The following THSD4 variants were observed in gnomAD, a reference collection of about 807,000 sequenced individuals.
THSD4 encodes the protein thrombospondin type-1 domain-containing protein 4.
A neutral mutation model predicts 119.0 loss-of-function variants in THSD4; 69 were observed. The observed-to-expected ratio is 0.58, with a 90% confidence interval of 0.48 to 0.71. The LOEUF is 0.71. THSD4 is among the 30% of genes least tolerant of loss of function. THSD4 has a pLI of 0.00. For missense variants in THSD4, 1,393 were observed against 1,391.1 expected, an observed-to-expected ratio of 1.00 and a Z score of -0.02; for synonymous variants, 524 against 540.4, an observed-to-expected ratio of 0.97 and a Z score of 0.42.
At chr15:71,386,733 C>T (rs983307174) in intron 6 of THSD4, among the ~76,000 whole-genome samples, 2 of 152,134 alleles carry the variant, frequency 1.3e-5, no homozygotes, top group Non-Finnish European at 2.9e-5. Flanking sequence ...AAGAGAAGAC[C>T]CCTAAAATAG....
In THSD4 at chr15:71,491,382, AT is replaced by A. The variant is rs1436811263; in HGVS notation, c.1152+79561del. ...TGAGAGGTGGTACCTCTGGGAGATA[AT>A]TAGGATTAGCTCAGGTCATGAGGGT... On this transcript the variant is annotated intron_variant, in intron 7 of 17. Transcript: ENST00000261862. Among the ~76,000 whole-genome samples, 5 of 152,318 alleles carry A rather than the reference AT, an allele frequency of 3.3e-5. No homozygotes were observed. In the East Asian group the frequency reaches 9.6e-4, roughly 29 times the overall value.
chr15:71,758,104 C>T, intron 15 of THSD4, 29 bp downstream of exon 15: 1 of 1,530,988 alleles, frequency 6.5e-7, no homozygotes, highest in Non-Finnish European at 8.8e-7. Flanking sequence ...GTATGTCTGC[C>T]TGTGTCAGGC....
At chr15:71,327,671 C>G (rs115768165) in intron 6 of THSD4, among the ~76,000 whole-genome samples, 1 of 151,922 alleles carries the variant, frequency 6.6e-6, no homozygotes, top group South Asian at 2.1e-4. Context: ...TTGTTTAAAG[C>G]ACAATGCTGA....
chr15:71,264,121 G>C (rs913744058), intron 6 of THSD4, among the ~76,000 whole-genome samples: 2 of 152,346 alleles, frequency 1.3e-5, no homozygotes, highest in Non-Finnish European at 2.9e-5. Context: ...GGCGCTGTCA[G>C]ATAAAAACAT....
rs545345987 is a variant in THSD4, at chr15:71,706,765, A to G, written c.1358-21784A>G. 2.0e-5 allele frequency among the ~76,000 whole-genome samples: 3 copies of G among 152,366 alleles called. No homozygotes were observed. In the South Asian group the frequency reaches 6.2e-4, roughly 32 times the overall value. On this transcript the variant is annotated intron_variant, in intron 8 of 17. Coordinates refer to ENST00000261862, the MANE Select transcript of THSD4 (RefSeq NM_024817.3). ...GAGAAAAGAGACAGCTGCATCTAGC[A>G]GCTACAACATCTCGCATGACCTTTG...
intron 7 of THSD4, among the ~76,000 whole-genome samples, chr15:71,581,350 A>T (rs1173528984): frequency 6.6e-6 from 1 of 152,134 alleles, no homozygotes; most frequent in Non-Finnish European, 1.5e-5. Flanking sequence ...GGTCATTTGT[A>T]TGCCTTACTT....
At chr15:71,527,186 C>A (rs1260838113) in intron 7 of THSD4, among the ~76,000 whole-genome samples, 2 of 152,214 alleles carry the variant, frequency 1.3e-5, no homozygotes, top group Admixed American at 1.3e-4. Flanking sequence ...AGAGACGGGG[C>A]CCTCACCAGA....
intron 7 of THSD4, among the ~76,000 whole-genome samples, chr15:71,542,568 G>GA (rs35178547): frequency 2.6e-5 from 4 of 151,786 alleles, no homozygotes; most frequent in Admixed American, 6.6e-5. Flanking sequence ...GTCTAATCAT[G>GA]AAAAAAACGT....
intron 7 of THSD4, among the ~76,000 whole-genome samples, chr15:71,433,139 C>T (rs11856732): frequency 0.44 from 65,929 of 151,208 alleles, 15,139 homozygotes; most frequent in Middle Eastern, 0.62. Context: ...ATGTGGAAGA[C>T]GGCATATTTA....
intron 6 of THSD4, among the ~76,000 whole-genome samples, chr15:71,317,901 C>T (rs767621201): frequency 1.1e-4 from 17 of 152,310 alleles, no homozygotes; most frequent in South Asian, 4.1e-4. Flanking sequence ...CACTACCTAA[C>T]GCAGTTGATT....
At position 71,769,929 on chromosome 15, in the gene THSD4, A is replaced by T. The variant is rs1295782198; in HGVS notation, c.2770-1135A>T. Among the ~76,000 whole-genome samples the T allele has an allele frequency of 2.8e-4, 17 of 60,558 alleles. 5 individuals are homozygous for T. The highest frequency in any genetic ancestry group is 1.7e-3 in the Admixed American group (9 of 5,294). 39.7% of individuals were successfully genotyped at this position (60,558 alleles called of 152,430 possible). On this transcript the variant is annotated intron_variant, in intron 16 of 17. Coordinates refer to ENST00000261862, the MANE Select transcript of THSD4 (RefSeq NM_024817.3). ...AATTATCAATAAAAAAAATAAATTT[A>T]AAAAAAAAAAAAAAAAAAAAGAATG...
At chr15:71,436,266 A>G (rs2047012111) in intron 7 of THSD4, among the ~76,000 whole-genome samples, 1 of 152,140 alleles carries the variant, frequency 6.6e-6, no homozygotes, top group Non-Finnish European at 1.5e-5. Context: ...ACCCTTATTT[A>G]TGACAAAACA....
chr15:71,707,102 T>C (rs950078557), intron 8 of THSD4, among the ~76,000 whole-genome samples: 14 of 151,498 alleles, frequency 9.2e-5, no homozygotes, highest in African/African-American at 2.9e-4. Flanking sequence ...TTCTGAAGGG[T>C]GAAACAGAGG....
chr15:71,665,607 C>T (rs1163387020), intron 8 of THSD4, among the ~76,000 whole-genome samples: 2 of 152,124 alleles, frequency 1.3e-5, no homozygotes, highest in African/African-American at 4.8e-5. Flanking sequence ...CCTAGGTTGT[C>T]CTCTAGGGTT....
At position 71,740,170 on chromosome 15, in the gene THSD4, ACTT is replaced by A. The variant is rs553552507; in HGVS notation, c.1906+2167_1906+2169del. On this transcript the variant is annotated intron_variant, in intron 11 of 17. Coordinates refer to ENST00000261862, the MANE Select transcript of THSD4 (RefSeq NM_024817.3). ...TCTGGACTGCAGATTCATTGGACCA[ACTT>A]CTTTTATATACTTTGTGAGGAAAAA... 1.8e-3 allele frequency among the ~76,000 whole-genome samples: 277 copies of A among 152,284 alleles called. 1 individual carries two copies. Among genetic ancestry groups the A allele is most frequent in the African/African-American group, 6.5e-3 (269 of 41,558 alleles).
At chr15:71,246,112 T>G (rs1002606554) in intron 5 of THSD4, among the ~76,000 whole-genome samples, 3 of 152,158 alleles carry the variant, frequency 2.0e-5, no homozygotes, top group Non-Finnish European at 2.9e-5. Context: ...GAACTGAGTT[T>G]CCTTGGGCAA....
chr15:71,152,197 C>T (rs560257011), intron 2 of THSD4, among the ~76,000 whole-genome samples: 4 of 152,020 alleles, frequency 2.6e-5, no homozygotes, highest in East Asian at 1.9e-4. Flanking sequence ...CTGAAGTGGG[C>T]GGATCACCTG....
chr15:71,519,370 CT>C (rs1311639340), intron 7 of THSD4, among the ~76,000 whole-genome samples: 1 of 151,926 alleles, frequency 6.6e-6, no homozygotes, highest in South Asian at 2.1e-4. Flanking sequence ...TTTTCTTTTT[CT>C]TTTTTTGAGA....
At chr15:71,217,937 C>A (rs553554883) in intron 4 of THSD4, among the ~76,000 whole-genome samples, 6 of 152,020 alleles carry the variant, frequency 3.9e-5, no homozygotes, top group Admixed American at 3.9e-4. Context: ...CAGGCATGTA[C>A]CACCACGCCT....
Sources: gnomAD v4.1 joint callset for allele counts (sites outside exome capture counted in the v4.1 genomes callset) on GRCh38, gnomAD v4.1.1 for gene constraint, MANE v1.5 for transcripts, NCBI Gene and HGNC (gene_info 2026-07-23, HGNC 2026-07-21) for gene names.